The following LRTM1 variants were observed in gnomAD, a reference collection of about 807,000 sequenced individuals.
LRTM1 encodes the protein leucine-rich repeat and transmembrane domain-containing protein 1.
Under a neutral mutation model 32.4 loss-of-function variants are expected in LRTM1, and 38 were observed. That is an observed-to-expected ratio of 1.17 (90% CI 0.91 to 1.54). The LOEUF is 1.54. Among genes scored for constraint, LRTM1 ranks in the 40% most tolerant of loss-of-function variants. The pLI, the probability that LRTM1 is intolerant of heterozygous loss-of-function variation, is 0.00. For missense variants in LRTM1, 466 were observed against 415.4 expected, an observed-to-expected ratio of 1.12 and a Z score of -1.06; for synonymous variants, 186 against 169.9, an observed-to-expected ratio of 1.09 and a Z score of -0.74.
rs764974348 is a variant in LRTM1, at chr3:54,927,753, CAT to C, written c.7+150_7+151del. On this transcript the variant is annotated intron_variant, in intron 1 of 2. Transcript: ENST00000273286. ...TTCCTCTGCACCCAACATGCGCAAACATAAATCATTCCATGCAGAGACATTTT... is the reference window on the plus strand; with the variant it reads ...TTCCTCTGCACCCAACATGCGCAAACAAATCATTCCATGCAGAGACATTTT... 2.6e-5 allele frequency: 22 copies of C among 849,780 alleles called. No homozygotes were observed. In the East Asian group the frequency reaches 2.7e-4, roughly 10 times the overall value. 52.6% of individuals were successfully genotyped at this position (849,780 alleles called of 1,614,324 possible). A position where few individuals can be genotyped will look rare whatever the true frequency, so the allele number is the denominator to read the frequency against.
intron 1 of LRTM1, among the ~76,000 whole-genome samples, chr3:54,927,592 T>C (rs961715291): frequency 6.6e-6 from 1 of 152,256 alleles, no homozygotes; most frequent in East Asian, 1.9e-4. Flanking sequence ...TTGTTCATTC[T>C]TTCTTTGGTT....
intron 1 of LRTM1, among the ~76,000 whole-genome samples, chr3:54,955,731 G>A (rs1701872599): frequency 6.6e-6 from 1 of 152,100 alleles, no homozygotes; most frequent in Non-Finnish European, 1.5e-5. Context: ...TCTACCGAGG[G>A]GGCTTTTTTG....
chr3:54,935,430 A>G (rs577932260), intron 1 of LRTM1, among the ~76,000 whole-genome samples: 1 of 152,352 alleles, frequency 6.6e-6, no homozygotes, highest in East Asian at 1.9e-4. Context: ...TGGAATAAAC[A>G]TAGGCAGATG....
rs1250059681 is a variant in LRTM1 at position 54,924,610 on chromosome 3, A to G, written c.604+9T>C. On this transcript the variant is annotated intron_variant, in intron 2 of 2. Coordinates refer to ENST00000273286, the MANE Select transcript of LRTM1 (RefSeq NM_020678.4). ...CACAGATGGGGGGTTCCAAATAGACATGACTGACCTTTATAGACAAATTTC... is the reference window on the plus strand; with the variant it reads ...CACAGATGGGGGGTTCCAAATAGACGTGACTGACCTTTATAGACAAATTTC... 3.7e-6 allele frequency: 6 copies of G among 1,605,240 alleles called. No homozygotes were observed. Among genetic ancestry groups the G allele is most frequent in the Non-Finnish European group, 5.1e-6 (6 of 1,172,558 alleles).
rs759472048 is a variant in LRTM1, at chr3:54,918,462, G to T, written c.1035C>A (p.Ala345=). ...ATCCTATTTGAGACAAAAGCTCTCA[G>T]GCTGGTGAGCTGTCAAATCGCTCTT... The part of the protein sequence containing the change: ...EEKERFDSSP[A] Residue 345 remains alanine, a synonymous_variant, in exon 3 of 3, where the codon GCC becomes GCA. Coordinates refer to ENST00000273286, the MANE Select transcript of LRTM1 (RefSeq NM_020678.4). The T allele has an allele frequency of 6.2e-7, 1 of 1,611,182 alleles. No individual in the cohort carries two copies. The highest frequency in any genetic ancestry group is 8.5e-7 in the Non-Finnish European group (1 of 1,179,024).
chr3:54,920,876 T>G (rs1408037606), intron 2 of LRTM1, among the ~76,000 whole-genome samples: 2 of 152,128 alleles, frequency 1.3e-5, no homozygotes, highest in African/African-American at 4.8e-5. Flanking sequence ...TTCCAGACTT[T>G]CTGTTGTTCG....
chr3:54,941,243 G>T (rs1322764395), intron 1 of LRTM1, among the ~76,000 whole-genome samples: 1 of 152,064 alleles, frequency 6.6e-6, no homozygotes, highest in Non-Finnish European at 1.5e-5. Context: ...AAAAAACAGG[G>T]GCATATAGTG....
intron 2 of LRTM1, among the ~76,000 whole-genome samples, chr3:54,922,847 G>A (rs1051296656): frequency 6.6e-6 from 1 of 151,980 alleles, no homozygotes; most frequent in African/African-American, 2.4e-5. Flanking sequence ...TTTGCCCCTT[G>A]TCAGCTGAAG....
Position 54,918,390 on chromosome 3 carries a change from A to C in LRTM1, c.*69T>G. 5 of 1,249,066 alleles carry C rather than the reference A, an allele frequency of 4.0e-6. No individual in the cohort carries two copies. Among genetic ancestry groups the C allele is most frequent in the Non-Finnish European group, 5.4e-6 (5 of 923,740 alleles). The allele number at this position is 1,249,066 out of a possible 1,614,324, so 77.4% of individuals were successfully genotyped here. ...CAAAAGCAAAATCAGACTAACAGGA[A>C]ACACATCAGCCCTACTCAGACACTA... is the stretch of plus-strand genomic sequence containing the variant. On this transcript the variant is annotated 3_prime_UTR_variant, in exon 3 of 3. Transcript: ENST00000273286.
intron 1 of LRTM1, among the ~76,000 whole-genome samples, chr3:54,955,409 A>G (rs1701862205): frequency 6.6e-6 from 1 of 152,074 alleles, no homozygotes. Flanking sequence ...TGGTTATTTG[A>G]TGAGATTTCT....
exon 1 of LRTM1, chr3:54,966,937 G>T (rs1295999249): frequency 1.3e-5 from 2 of 152,106 alleles, no homozygotes; most frequent in Non-Finnish European, 2.9e-5. Flanking sequence ...CCTATGGGTC[G>T]TCTGTGTACT....
intron 1 of LRTM1, among the ~76,000 whole-genome samples, chr3:54,955,546 T>C (rs542465235): frequency 2.0e-5 from 3 of 152,236 alleles, no homozygotes; most frequent in East Asian, 3.9e-4. Context: ...GGAGAAACAA[T>C]ACTAAGCTAG....
chr3:54,927,949 A>G lies in LRTM1; in HGVS notation c.-38T>C. ...TTGGGCGTCCTTGCTGACCTCGTAG[A>G]CCCTTTAATTAATGTGCAGAGCAAC... On this transcript the variant is annotated 5_prime_UTR_variant, in exon 1 of 3. Transcript: ENST00000273286. The G allele has an allele frequency of 6.2e-7, 1 of 1,609,664 alleles. No individual in the cohort carries two copies. Among genetic ancestry groups the G allele is most frequent in the Non-Finnish European group, 8.5e-7 (1 of 1,176,232 alleles).
chr3:54,923,902 A>G lies in LRTM1; in HGVS notation c.604+717T>C, dbSNP rs989295382. On this transcript the variant is annotated intron_variant, in intron 2 of 2. Transcript: ENST00000273286. ...CCCCTGTCACAACTACTCTGCTTTT[A>G]TAGTGCAAAGCAACCACTCACTCAT... Among the ~76,000 whole-genome samples the G allele has an allele frequency of 3.3e-5, 5 of 152,224 alleles. No homozygotes were observed. The South Asian group carries it at 1.0e-3, about 31-fold the overall frequency.
exon 1 of LRTM1, chr3:54,966,965 C>A (rs2107063855): frequency 6.6e-6 from 1 of 152,300 alleles, no homozygotes; most frequent in East Asian, 1.9e-4. Context: ...TTGCTGGAGG[C>A]AGGGGTCCAG....
chr3:54,922,740 T>C (rs1432040130), intron 2 of LRTM1, among the ~76,000 whole-genome samples: 2 of 152,132 alleles, frequency 1.3e-5, no homozygotes, highest in Admixed American at 1.3e-4. Context: ...CGACTCCCCA[T>C]GGATATGTAC....
chr3:54,957,673 C>T (rs561899596), intron 1 of LRTM1, among the ~76,000 whole-genome samples: 47 of 148,584 alleles, frequency 3.2e-4, no homozygotes, highest in African/African-American at 1.1e-3. Flanking sequence ...CTTTGGCAAA[C>T]TCAGGGGTTC....
At position 54,918,311 on chromosome 3, in the gene LRTM1, A is replaced by G. The variant is rs569164947; in HGVS notation, c.*148T>C. 7 of 780,398 alleles carry G rather than the reference A, an allele frequency of 9.0e-6. No homozygotes were observed. The East Asian group carries it at 1.5e-4, about 17-fold the overall frequency. The allele number at this position is 780,398 out of a possible 1,614,324, so 48.3% of individuals were successfully genotyped here. On this transcript the variant is annotated 3_prime_UTR_variant, in exon 3 of 3. Coordinates refer to ENST00000273286, the MANE Select transcript of LRTM1 (RefSeq NM_020678.4). ...AAATTCCTCCCCAGAAATATTTTTT[A>G]CAGACACATCTTTTTTTTTTCTTTT...
upstream of LRTM1, among the ~76,000 whole-genome samples, chr3:54,929,359 G>C (rs9869460): frequency 0.02 from 3,114 of 152,274 alleles, 115 homozygotes; most frequent in African/African-American, 0.071. Flanking sequence ...AGGACAACCT[G>C]GACCGGTCAG....
Sources: allele counts gnomAD v4.1 joint callset (sites outside exome capture counted in the v4.1 genomes callset), GRCh38; gene constraint gnomAD v4.1.1; transcripts MANE v1.5; gene names NCBI Gene and HGNC (gene_info 2026-07-23, HGNC 2026-07-21).